Variants in FRMPD4 observed in about 807,000 individuals in gnomAD.
FRMPD4 encodes FERM and PDZ domain-containing protein 4.
Under a neutral mutation model 94.1 loss-of-function variants are expected in FRMPD4, and 22 were observed. The observed-to-expected ratio is 0.23, with a 90% CI of 0.17 to 0.33. The LOEUF (loss-of-function observed/expected upper bound fraction) is 0.33, where lower values mean the gene tolerates loss of function less well. Among genes scored for constraint, FRMPD4 ranks in the 10% least tolerant of loss-of-function variants. The probability of loss-of-function intolerance (pLI) is 1.00; values close to 1 mark genes in which losing one functional copy is unlikely to be tolerated. For missense variants in FRMPD4, 1,111 were observed against 1,339.9 expected (o/e 0.83, Z 2.67); for synonymous variants, 631 against 548.6 (o/e 1.15, Z -2.10).
At chrX:12,489,822 CCTAA>C (rs755583325) in intron 1 of FRMPD4, among the ~76,000 whole-genome samples, 1 of 111,947 alleles carries the variant, frequency 8.9e-6, no homozygotes, top group Non-Finnish European at 1.9e-5. Flanking sequence ...AGCATGAACT[CCTAA>C]CTGAGAAGTT....
chrX:12,357,386 C>T (rs1349485812), intron 1 of FRMPD4, among the ~76,000 whole-genome samples: 2 of 112,060 alleles, frequency 1.8e-5, no homozygotes, highest in African/African-American at 3.2e-5. Context: ...ATCCTCAGAA[C>T]TCTATGAGGT....
intron 1 of FRMPD4, among the ~76,000 whole-genome samples, chrX:11,858,515 A>G (rs891206371): frequency 1.8e-5 from 2 of 111,351 alleles, no homozygotes; most frequent in Non-Finnish European, 3.8e-5. Flanking sequence ...GAACACATGG[A>G]CACAGAGGGG....
chrX:12,297,605 C>T (rs1352049256), intron 1 of FRMPD4, among the ~76,000 whole-genome samples: 7 of 110,398 alleles, frequency 6.3e-5, no homozygotes, highest in Non-Finnish European at 5.7e-5. Flanking sequence ...TTGTGGGAGA[C>T]GAGAGAACTA....
intron 2 of FRMPD4, among the ~76,000 whole-genome samples, chrX:12,566,897 C>T (rs1029607524): frequency 9.5e-6 from 1 of 105,607 alleles, no homozygotes; most frequent in Non-Finnish European, 1.9e-5. Flanking sequence ...CAGCTCTCAG[C>T]GAAGAGAAAA....
intron 3 of FRMPD4, among the ~76,000 whole-genome samples, chrX:12,009,002 G>A (rs1322412189): frequency 2.7e-5 from 3 of 111,431 alleles, no homozygotes; most frequent in African/African-American, 3.3e-5. Flanking sequence ...GAAATCTTTC[G>A]TTTGCTTTAA....
chrX:12,203,827 A>G (rs2056658639), intron 1 of FRMPD4, among the ~76,000 whole-genome samples: 2 of 112,215 alleles, frequency 1.8e-5, no homozygotes, highest in South Asian at 3.7e-4. Context: ...GATTTAAAGA[A>G]GCGAATCCAT....
intron 3 of FRMPD4, among the ~76,000 whole-genome samples, chrX:11,997,084 G>T: frequency 9.0e-6 from 1 of 111,151 alleles, no homozygotes; most frequent in Non-Finnish European, 1.9e-5. Context: ...AATTAGCCTG[G>T]GATGCAAAAG....
At chrX:12,244,145 T>A (rs944877724) in intron 1 of FRMPD4, among the ~76,000 whole-genome samples, 2 of 110,673 alleles carry the variant, frequency 1.8e-5, no homozygotes, top group East Asian at 2.8e-4. Flanking sequence ...TTTTTTTAAA[T>A]GAAGCTGCAT....
At chrX:12,519,900 G>A (rs1012348348) in intron 2 of FRMPD4, among the ~76,000 whole-genome samples, 1 of 112,130 alleles carries the variant, frequency 8.9e-6, no homozygotes, top group Non-Finnish European at 1.9e-5. Flanking sequence ...GAAATAATTA[G>A]TGTTGGCAAG....
intron 3 of FRMPD4, among the ~76,000 whole-genome samples, chrX:11,968,031 C>T (rs2147378444): frequency 9.0e-6 from 1 of 110,577 alleles, no homozygotes; most frequent in South Asian, 3.9e-4. Flanking sequence ...AACCTTTCAC[C>T]TCTAGCAGCA....
chrX:12,087,149 T>A (rs955816439), intron 3 of FRMPD4, among the ~76,000 whole-genome samples: 2 of 110,996 alleles, frequency 1.8e-5, no homozygotes, highest in African/African-American at 3.3e-5. Context: ...AAGTCCCAGG[T>A]CTCACTTATA....
At chrX:12,235,834 C>A (rs1019501808) in intron 1 of FRMPD4, among the ~76,000 whole-genome samples, 1 of 112,089 alleles carries the variant, frequency 8.9e-6, no homozygotes, top group Non-Finnish European at 1.9e-5. Flanking sequence ...TTCACTTGGA[C>A]AAGTTACTTT....
chrX:12,068,071 G>A (rs1255606983), intron 3 of FRMPD4, among the ~76,000 whole-genome samples: 2 of 111,740 alleles, frequency 1.8e-5, no homozygotes, highest in Non-Finnish European at 3.8e-5. Context: ...GATGGAAGCA[G>A]AGGTGAGAGA....
chrX:11,929,091 G>A (rs765719821), intron 3 of FRMPD4, among the ~76,000 whole-genome samples: 7 of 112,298 alleles, frequency 6.2e-5, no homozygotes, highest in African/African-American at 2.3e-4. Flanking sequence ...AGCACACGCT[G>A]GGGACTGTCA....
At chrX:12,571,245 T>C (rs761134198) in intron 2 of FRMPD4, among the ~76,000 whole-genome samples, 1 of 112,808 alleles carries the variant, frequency 8.9e-6, no homozygotes, top group Non-Finnish European at 1.9e-5. Context: ...AAAATTCTTA[T>C]TAACTCACAT....
chrX:11,878,003 G>A (rs747422994), exon 3 of FRMPD4, among the ~76,000 whole-genome samples: 1 of 112,118 alleles, frequency 8.9e-6, no homozygotes, highest in Non-Finnish European at 1.9e-5. Flanking sequence ...GAGGATGAAG[G>A]AGAACATATT....
intron 1 of FRMPD4, among the ~76,000 whole-genome samples, chrX:12,335,090 C>G (rs1196346781): frequency 9.0e-6 from 1 of 110,695 alleles, no homozygotes; most frequent in Non-Finnish European, 1.9e-5. Flanking sequence ...GCATTTCATT[C>G]AGAGCTCTGT....
intron 2 of FRMPD4, among the ~76,000 whole-genome samples, chrX:12,503,334 C>T (rs191263672): frequency 9.0e-6 from 1 of 111,529 alleles, no homozygotes; most frequent in Admixed American, 9.5e-5. Flanking sequence ...CCTGTGTACA[C>T]AAAAAGTAGC....
chrX:11,956,930 G>A (rs1290572121), intron 3 of FRMPD4, among the ~76,000 whole-genome samples: 8 of 111,723 alleles, frequency 7.2e-5, no homozygotes, highest in Non-Finnish European at 1.5e-4. Context: ...CTCACAAGAG[G>A]CTGGCTTACA....
Sources: gnomAD v4.1 joint callset for allele counts (sites outside exome capture counted in the v4.1 genomes callset) on GRCh38, gnomAD v4.1.1 for gene constraint, MANE v1.5 for transcripts, NCBI Gene and HGNC (gene_info 2026-07-23, HGNC 2026-07-21) for gene names.